Variants in CCNYL1 observed in about 807,000 individuals in gnomAD.
CCNYL1 encodes the protein cyclin Y like 1.
Under a neutral mutation model 44.2 loss-of-function variants are expected in CCNYL1, and 16 were observed. The observed-to-expected ratio is 0.36, with a 90% CI of 0.25 to 0.55. CCNYL1 has a LOEUF of 0.55. Among genes scored for constraint, CCNYL1 ranks in the 20% least tolerant of loss-of-function variants. CCNYL1 has a pLI of 0.85. For synonymous variants in CCNYL1, 159 were observed against 163.2 expected (o/e 0.97, Z 0.20); for missense variants, 348 against 451.8 (o/e 0.77, Z 2.08).
intron 8 of CCNYL1, among the ~76,000 whole-genome samples, chr2:207,747,706 T>C (rs1344994011): frequency 6.6e-6 from 1 of 152,122 alleles, no homozygotes; most frequent in African/African-American, 2.4e-5. Flanking sequence ...ATTACAGGCA[T>C]GCGCCACCAT....
intron 1 of CCNYL1, among the ~76,000 whole-genome samples, chr2:207,720,393 C>CTTT (rs1257858381): frequency 9.3e-5 from 13 of 140,098 alleles, no homozygotes; most frequent in Non-Finnish European, 1.4e-4. Flanking sequence ...GTAACCCAGA[C>CTTT]TTTTTTTTTT....
intron 3 of CCNYL1, among the ~76,000 whole-genome samples, chr2:207,732,960 A>G (rs1453205045): frequency 6.6e-6 from 1 of 152,248 alleles, no homozygotes; most frequent in East Asian, 1.9e-4. Flanking sequence ...AGCCAGAGGT[A>G]TGAGGAGGAA....
chr2:207,715,765 G>A (rs11896569), intron 1 of CCNYL1, among the ~76,000 whole-genome samples: 3 of 148,278 alleles, frequency 2.0e-5, no homozygotes, highest in East Asian at 2.0e-4. Context: ...TAACCTCTGC[G>A]CCCAGAGTTC....
intron 1 of CCNYL1, among the ~76,000 whole-genome samples, chr2:207,716,057 T>C (rs2091591974): frequency 6.6e-6 from 1 of 152,222 alleles, no homozygotes; most frequent in South Asian, 2.1e-4. Flanking sequence ...TTGCCTTTAT[T>C]TAACGGTATG....
chr2:207,714,169 T>A (rs1038405067), intron 1 of CCNYL1, among the ~76,000 whole-genome samples: 8 of 152,190 alleles, frequency 5.3e-5, no homozygotes, highest in African/African-American at 1.9e-4. Flanking sequence ...TATACCAAGT[T>A]CAGTTCTTAA....
At position 207,724,886 on chromosome 2, in the gene CCNYL1, CT is replaced by C. The variant is rs2091668542; in HGVS notation, c.295+13del. On this transcript the variant is annotated intron_variant, in intron 2 of 9. Coordinates refer to ENST00000295414, the MANE Select transcript of CCNYL1 (RefSeq NM_001330218.2). ...ATCTCAAACGGATGGTAAGACAATA[CT>C]GTTTTTTCCTTCCAAGGAAAAGACT... is the stretch of plus-strand genomic sequence containing the variant. The C allele has an allele frequency of 6.3e-7, 1 of 1,590,752 alleles. No homozygotes were observed.
intron 1 of CCNYL1, among the ~76,000 whole-genome samples, chr2:207,713,963 A>G (rs1012482610): frequency 6.6e-6 from 1 of 152,156 alleles, no homozygotes; most frequent in East Asian, 1.9e-4. Flanking sequence ...GAGAGCCCCA[A>G]ATAAGGCTCC....
intron 1 of CCNYL1, among the ~76,000 whole-genome samples, chr2:207,722,961 G>GAA (rs78215971): frequency 7.2e-6 from 1 of 139,692 alleles, no homozygotes. Context: ...TCTTCTCTCG[G>GAA]AAAAAAAAAA....
chr2:207,711,841 G>A lies in CCNYL1; in HGVS notation c.-56G>A. Reference sequence around the variant, plus strand: ...TGTTGGGGGAGGGGGCGGCTGTTGAGGGCGGCGGAGTAGGGGGCGAGCGAA... The same window carrying A: ...TGTTGGGGGAGGGGGCGGCTGTTGAAGGCGGCGGAGTAGGGGGCGAGCGAA... On this transcript the variant is annotated 5_prime_UTR_variant, in exon 1 of 10. Transcript: ENST00000295414. 8.1e-7 allele frequency: 1 copy of A among 1,241,110 alleles called. No individual in the cohort carries two copies. Among genetic ancestry groups the A allele is most frequent in the Non-Finnish European group, 1.0e-6 (1 of 953,454 alleles). 76.9% of individuals were successfully genotyped at this position (1,241,110 alleles called of 1,614,324 possible). A position where few individuals can be genotyped will look rare whatever the true frequency, so the allele number is the denominator to read the frequency against.
intron 8 of CCNYL1, among the ~76,000 whole-genome samples, chr2:207,749,070 A>G (rs1312114639): frequency 6.6e-6 from 1 of 152,226 alleles, no homozygotes; most frequent in Non-Finnish European, 1.5e-5. Context: ...AAGATACAGT[A>G]TCAGAGAACC....
chr2:207,740,334 C>A, intron 5 of CCNYL1, among the ~76,000 whole-genome samples: 1 of 152,180 alleles, frequency 6.6e-6, no homozygotes, highest in African/African-American at 2.4e-5. Flanking sequence ...GTAAAACGTT[C>A]TTGAGTTCCA....
At chr2:207,742,925 CTTAACT>C (rs1354066756) in intron 7 of CCNYL1, among the ~76,000 whole-genome samples, 1 of 152,156 alleles carries the variant, frequency 6.6e-6, no homozygotes, top group Non-Finnish European at 1.5e-5. Context: ...TAGCTGTGTC[CTTAACT>C]TTATGTCCTC....
intron 2 of CCNYL1, among the ~76,000 whole-genome samples, chr2:207,726,516 G>A (rs1162143449): frequency 1.3e-5 from 2 of 152,202 alleles, no homozygotes; most frequent in East Asian, 3.8e-4. Flanking sequence ...AATACTGCTG[G>A]ATGATGGTTC....
chr2:207,718,066 G>A (rs367922341), intron 1 of CCNYL1, among the ~76,000 whole-genome samples: 3 of 151,512 alleles, frequency 2.0e-5, no homozygotes, highest in Non-Finnish European at 4.4e-5. Context: ...CACCACACCC[G>A]GCTCATTTTT....
At chr2:207,751,968 G>T (rs929169539) in intron 9 of CCNYL1, among the ~76,000 whole-genome samples, 1 of 152,048 alleles carries the variant, frequency 6.6e-6, no homozygotes, top group African/African-American at 2.4e-5. Context: ...CTGGGAGGCG[G>T]AGGTTGCAGT....
rs1161957448 is a variant in CCNYL1, at chr2:207,754,484, A to G, written c.*786A>G. 4 of 152,668 alleles carry G rather than the reference A, an allele frequency of 2.6e-5. No individual in the cohort carries two copies. The highest frequency in any genetic ancestry group is 4.4e-5 in the Non-Finnish European group (3 of 68,052). 9.5% of individuals were successfully genotyped at this position (152,668 alleles called of 1,614,324 possible). On this transcript the variant is annotated 3_prime_UTR_variant, in exon 10 of 10. Transcript: ENST00000295414. ...AAAAGATATTTTCATAATGCCAACCAACATGGTGGTTCAGTGACGATGAGA... is the reference window on the plus strand; with the variant it reads ...AAAAGATATTTTCATAATGCCAACCGACATGGTGGTTCAGTGACGATGAGA...
chr2:207,733,940 C>T lies in CCNYL1; in HGVS notation c.331-7C>T, dbSNP rs1559168893. The T allele has an allele frequency of 6.3e-7, 1 of 1,576,234 alleles. No homozygotes were observed. Among genetic ancestry groups the T allele is most frequent in the Non-Finnish European group, 8.7e-7 (1 of 1,147,428 alleles). On this transcript the variant is annotated splice_polypyrimidine_tract_variant and splice_region_variant and intron_variant, in intron 3 of 9. Coordinates refer to ENST00000295414, the MANE Select transcript of CCNYL1 (RefSeq NM_001330218.2). The stretch of plus-strand genomic sequence containing the variant: ...TGACATTTTCTTCTATTTCCCTTCC[C>T]CTTCAGGTATCTCCAGGGCAGCTTA...
intron 1 of CCNYL1, among the ~76,000 whole-genome samples, chr2:207,713,465 A>C (rs1489290972): frequency 1.3e-5 from 2 of 152,108 alleles, no homozygotes; most frequent in African/African-American, 4.8e-5. Flanking sequence ...GGGTGAGGGG[A>C]GAGGAAACGT....
intron 1 of CCNYL1, among the ~76,000 whole-genome samples, chr2:207,720,945 A>G (rs2091635936): frequency 6.6e-6 from 1 of 151,240 alleles, no homozygotes; most frequent in Admixed American, 6.6e-5. Flanking sequence ...AGCAAAAGCA[A>G]GGCATGAGTG....
Sources: gnomAD v4.1 joint callset for allele counts (sites outside exome capture counted in the v4.1 genomes callset) on GRCh38, gnomAD v4.1.1 for gene constraint, MANE v1.5 for transcripts, NCBI Gene and HGNC (gene_info 2026-07-23, HGNC 2026-07-21) for gene names.